TTLL1: variants seen among roughly 807,000 people sequenced by gnomAD.
The protein encoded by TTLL1 is polyglutamylase complex subunit TTLL1.
Under a neutral mutation model 47.8 loss-of-function variants are expected in TTLL1, and 33 were observed. The ratio of observed to expected loss-of-function variants is 0.69; its 90% CI spans 0.52 to 0.92. The LOEUF is 0.92. Ranked by LOEUF, TTLL1 falls within the 40% of genes least tolerant of loss-of-function variation. The pLI is 0.00. For missense variants in TTLL1, 488 were observed against 547.5 expected (o/e 0.89, Z 1.08); for synonymous variants, 225 against 214.1 (o/e 1.05, Z -0.45).
In TTLL1 at chr22:43,087,518, C is replaced by T. The variant is rs1229051375; in HGVS notation, c.-90+1759G>A. Among the ~76,000 whole-genome samples the T allele has an allele frequency of 1.1e-4, 14 of 131,340 alleles. No individual in the cohort carries two copies. The Admixed American group carries it at 1.1e-3, about 10-fold the overall frequency. 86.2% of individuals were successfully genotyped at this position (131,340 alleles called of 152,430 possible). On this transcript the variant is annotated intron_variant, in intron 1 of 10. Coordinates refer to ENST00000266254, the MANE Select transcript of TTLL1 (RefSeq NM_012263.5). The stretch of plus-strand genomic sequence containing the variant: ...CAGCCCGGGCAACAGAGTGAGACTC[C>T]ATCTCAAAAAAAAAAAAAAAAAGAA...
chr22:43,043,101 C>T (rs1459208339), intron 10 of TTLL1, among the ~76,000 whole-genome samples: 2 of 151,850 alleles, frequency 1.3e-5, no homozygotes, highest in East Asian at 1.9e-4. Flanking sequence ...CCACCACGCC[C>T]GGCTAATTTT....
At chr22:43,041,475 C>G (rs995953783) in intron 10 of TTLL1, among the ~76,000 whole-genome samples, 1 of 151,046 alleles carries the variant, frequency 6.6e-6, no homozygotes, top group Admixed American at 6.6e-5. Context: ...CTGCATTGTG[C>G]TTCTGGTGGC....
At chr22:43,046,659 G>C in intron 9 of TTLL1, 86 bp from the exon 10 acceptor site, 2 of 1,490,350 alleles carry the variant, frequency 1.3e-6, no homozygotes, top group Non-Finnish European at 1.8e-6. Context: ...GATGCTGGCT[G>C]CTACACACTT....
chr22:43,053,561 C>T (rs1179874433), intron 8 of TTLL1, among the ~76,000 whole-genome samples: 1 of 152,142 alleles, frequency 6.6e-6, no homozygotes, highest in Non-Finnish European at 1.5e-5. Flanking sequence ...TGTCTCTGTC[C>T]AGTCTCATGC....
chr22:43,056,612 T>C (rs572574336), intron 8 of TTLL1, among the ~76,000 whole-genome samples: 1 of 151,176 alleles, frequency 6.6e-6, no homozygotes, highest in African/African-American at 2.4e-5. Flanking sequence ...GGCGAAACCC[T>C]GTCTCTACTT....
intron 3 of TTLL1, 66 bp from the exon 4 acceptor site, chr22:43,069,910 G>T: frequency 6.3e-7 from 1 of 1,578,648 alleles, no homozygotes. Context: ...CTTTGTTCCC[G>T]TCCCCGCAAA....
chr22:43,059,809 C>T (rs1174402779), intron 7 of TTLL1, among the ~76,000 whole-genome samples: 1 of 152,096 alleles, frequency 6.6e-6, no homozygotes, highest in Non-Finnish European at 1.5e-5. Context: ...CCCACCTCAG[C>T]CTCTCAAGTA....
chr22:43,061,260 C>T (rs1927372439), intron 7 of TTLL1, among the ~76,000 whole-genome samples: 1 of 152,172 alleles, frequency 6.6e-6, no homozygotes, highest in Admixed American at 6.5e-5. Flanking sequence ...TTGGTTTACT[C>T]TGAGGAAGAC....
chr22:43,055,127 G>T (rs1405203216), intron 8 of TTLL1, among the ~76,000 whole-genome samples: 1 of 145,434 alleles, frequency 6.9e-6, no homozygotes, highest in South Asian at 2.2e-4. Flanking sequence ...GGGTTCAAGC[G>T]ATTCTCCTGC....
Position 43,047,802 on chromosome 22 carries a change from G to A in TTLL1, c.979-1229C>T, listed in dbSNP as rs73179030. Among the ~76,000 whole-genome samples the A allele has an allele frequency of 3.9e-3, 595 of 152,180 alleles. 4 individuals carry two copies. The highest frequency in any genetic ancestry group is 0.027 in the Middle Eastern group (8 of 294). The stretch of plus-strand genomic sequence containing the variant: ...CTTATTTACTCATATTTTAGGCACT[G>A]TTCTAATGACCTTGGTTAGCTGTTT... On this transcript the variant is annotated intron_variant, in intron 9 of 10. Coordinates refer to ENST00000266254, the MANE Select transcript of TTLL1 (RefSeq NM_012263.5).
chr22:43,046,547 G>T lies in TTLL1; in HGVS notation c.1005C>A (p.Ser335=). ...TGAGGATTCGGTCATTGGCAGTGCT[G>T]GACGTGAGAGACGGGGACGCATTCA... ...IEVNASPSLT[S]STANDRILKY... is the part of the protein sequence containing the mutation. Residue 335 remains serine (S), a synonymous_variant, in exon 10 of 11, where the codon TCC becomes TCA. Coordinates refer to ENST00000266254, the MANE Select transcript of TTLL1 (RefSeq NM_012263.5). The T allele has an allele frequency of 6.2e-7, 1 of 1,614,146 alleles. No individual in the cohort carries two copies. The highest frequency in any genetic ancestry group is 1.3e-5 in the African/African-American group (1 of 75,054).
chr22:43,084,122 A>T (rs1929071493), intron 1 of TTLL1, among the ~76,000 whole-genome samples: 1 of 152,160 alleles, frequency 6.6e-6, no homozygotes, highest in South Asian at 2.1e-4. Context: ...ATAGAAACAG[A>T]GTTCCTGTCT....
intron 7 of TTLL1, 46 bp from the exon 8 acceptor site, chr22:43,059,573 AG>A: frequency 6.3e-7 from 1 of 1,574,852 alleles, no homozygotes; most frequent in Non-Finnish European, 8.6e-7. Context: ...TATGCACCCC[AG>A]AGGAACCCAG....
chr22:43,060,899 A>G (rs977698529), intron 7 of TTLL1, among the ~76,000 whole-genome samples: 3 of 152,196 alleles, frequency 2.0e-5, no homozygotes, highest in Non-Finnish European at 4.4e-5. Flanking sequence ...AGAATTAACC[A>G]TATTTTAAAA....
chr22:43,081,903 G>A (rs567985784), intron 1 of TTLL1, among the ~76,000 whole-genome samples: 1 of 131,318 alleles, frequency 7.6e-6, no homozygotes, highest in Admixed American at 8.7e-5. Flanking sequence ...AGGCTGGAGT[G>A]CAGTGGCACC....
chr22:43,075,127 T>C (rs1184551567), intron 3 of TTLL1, among the ~76,000 whole-genome samples: 1 of 152,080 alleles, frequency 6.6e-6, no homozygotes, highest in Non-Finnish European at 1.5e-5. Flanking sequence ...ATCGCACCAT[T>C]GCACTCCAGC....
chr22:43,062,467 G>T (rs1927447659), intron 7 of TTLL1, among the ~76,000 whole-genome samples: 1 of 147,148 alleles, frequency 6.8e-6, no homozygotes, highest in African/African-American at 2.6e-5. Flanking sequence ...CTCCAGCCTG[G>T]CAACAGAGCA....
At chr22:43,088,195 T>C (rs909783384) in intron 1 of TTLL1, among the ~76,000 whole-genome samples, 2 of 152,006 alleles carry the variant, frequency 1.3e-5, no homozygotes, top group African/African-American at 4.8e-5. Context: ...GATGACTTCA[T>C]GTTGAGCAGG....
In TTLL1 at chr22:43,080,902, C is replaced by CTTTTTTTTTTTTTTTTTTTTTT. The variant is rs10529079; in HGVS notation, c.-89-938_-89-917dup. The stretch of plus-strand genomic sequence containing the variant: ...GTCACCTGTTCCCAGTGTTGCATGA[C>CTTTTTTTTTTTTTTTTTTTTTT]TTTTTTTTTTTTTTTTTTTTTTTTT... On this transcript the variant is annotated intron_variant, in intron 1 of 10. Coordinates refer to ENST00000266254, the MANE Select transcript of TTLL1 (RefSeq NM_012263.5). 1.2e-4 allele frequency among the ~76,000 whole-genome samples: 8 copies of CTTTTTTTTTTTTTTTTTTTTTT among 69,302 alleles called. 2 individuals are homozygous for CTTTTTTTTTTTTTTTTTTTTTT. Among genetic ancestry groups the CTTTTTTTTTTTTTTTTTTTTTT allele is most frequent in the Admixed American group, 5.7e-4 (3 of 5,254 alleles). 45.5% of individuals were successfully genotyped at this position (69,302 alleles called of 152,430 possible).
Sources: gnomAD v4.1 joint callset for allele counts (sites outside exome capture counted in the v4.1 genomes callset) on GRCh38, gnomAD v4.1.1 for gene constraint, MANE v1.5 for transcripts, NCBI Gene and HGNC (gene_info 2026-07-23, HGNC 2026-07-21) for gene names.